AGPAT3: variants seen among roughly 807,000 people sequenced by gnomAD.
AGPAT3 encodes the protein 1-acyl-sn-glycerol-3-phosphate acyltransferase gamma.
In AGPAT3, 5 loss-of-function variants were observed where a neutral mutation model predicts 47.3. That is an observed-to-expected ratio of 0.11 (90% CI 0.06 to 0.22). The LOEUF (loss-of-function observed/expected upper bound fraction) is 0.22. Ranked by LOEUF, AGPAT3 falls within the 10% of genes least tolerant of loss-of-function variation. AGPAT3 has a pLI of 1.00. For synonymous variants in AGPAT3, 212 were observed against 208.3 expected, an observed-to-expected ratio of 1.02 and a Z score of -0.15; for missense variants, 315 against 493.0, an observed-to-expected ratio of 0.64 and a Z score of 3.42.
intron 2 of AGPAT3, among the ~76,000 whole-genome samples, chr21:43,931,922 C>CGTGTGTGTGT (rs55978822): frequency 4.1e-5 from 6 of 145,648 alleles, no homozygotes; most frequent in East Asian, 4.0e-4. Flanking sequence ...AAGAGGATCT[C>CGTGTGTGTGT]GTGTGTGTGT....
At position 43,897,620 on chromosome 21, in the gene AGPAT3, G is replaced by C. The variant is rs569944872; in HGVS notation, c.-111-6337G>C. Among the ~76,000 whole-genome samples the C allele has an allele frequency of 2.0e-5, 3 of 151,578 alleles. No homozygotes were observed. The South Asian group carries it at 6.3e-4, about 32-fold the overall frequency. ...GGGCAGAGGGGCTCCTCACCTCCCA[G>C]AGGGGGCGGCCGGGCAGAGGCGCTC... On this transcript the variant is annotated intron_variant, in intron 1 of 9. Coordinates refer to ENST00000291572, the MANE Select transcript of AGPAT3 (RefSeq NM_020132.5).
chr21:43,914,533 TTTTTG>T lies in AGPAT3; in HGVS notation c.-49+10544_-49+10548del, dbSNP rs550805908. Among the ~76,000 whole-genome samples, 246 of 152,048 alleles carry T rather than the reference TTTTTG, an allele frequency of 1.6e-3. 1 individual carries two copies. Among genetic ancestry groups the T allele is most frequent in the Non-Finnish European group, 3.0e-3 (201 of 67,976 alleles). ...AATATGAGATTCCATGTAGAGGTTTTTTTTGTTTTGTTTTGTTTTGTTTTGTTTTG... is the reference window on the plus strand; with the variant it reads ...AATATGAGATTCCATGTAGAGGTTTTTTTTGTTTTGTTTTGTTTTGTTTTG... On this transcript the variant is annotated intron_variant, in intron 2 of 9. Coordinates refer to ENST00000291572, the MANE Select transcript of AGPAT3 (RefSeq NM_020132.5).
At chr21:43,902,403 A>T (rs2086378179) in intron 1 of AGPAT3, among the ~76,000 whole-genome samples, 1 of 152,212 alleles carries the variant, frequency 6.6e-6, no homozygotes, top group East Asian at 1.9e-4. Flanking sequence ...CGATATATAC[A>T]CTGTCTTTGT....
chr21:43,958,288 A>T (rs2088589597), intron 2 of AGPAT3, among the ~76,000 whole-genome samples: 1 of 150,548 alleles, frequency 6.6e-6, no homozygotes, highest in South Asian at 2.1e-4. Context: ...TGTGTGTGTG[A>T]GACTGTGGTG....
Position 43,914,074 on chromosome 21 carries a change from C to T in AGPAT3, c.-49+10055C>T, listed in dbSNP as rs182686214. ...CTTTGATGTCTGACCTCAGAGGCCA[C>T]GGCTGACGTCTCTCTGCCTCTGCAG... On this transcript the variant is annotated intron_variant, in intron 2 of 9. Transcript: ENST00000291572. Among the ~76,000 whole-genome samples, 831 of 152,304 alleles carry T rather than the reference C, an allele frequency of 5.5e-3. 6 individuals are homozygous for T. The highest frequency in any genetic ancestry group is 0.018 in the African/African-American group (757 of 41,558).
rs138591990 is a variant in AGPAT3, at chr21:43,941,791, G to A, written c.-48-17843G>A. Among the ~76,000 whole-genome samples, 36 of 152,388 alleles carry A rather than the reference G, an allele frequency of 2.4e-4. 1 individual carries two copies. The East Asian group carries it at 5.6e-3, about 24-fold the overall frequency. ...CACGGACCGTTCCTGGCGCCTGGGC[G>A]GAGAAAGGGTATCAAATCATTTCCT... On this transcript the variant is annotated intron_variant, in intron 2 of 9. Transcript: ENST00000291572.
At chr21:43,907,991 G>A (rs530822297) in intron 2 of AGPAT3, among the ~76,000 whole-genome samples, 11 of 152,350 alleles carry the variant, frequency 7.2e-5, no homozygotes, top group African/African-American at 2.6e-4. Context: ...CCTCGTGGAA[G>A]CATGTTCCCG....
chr21:43,982,607 G>A lies in AGPAT3; in HGVS notation c.*215G>A, dbSNP rs946796999. On this transcript the variant is annotated 3_prime_UTR_variant, in exon 10 of 10. Coordinates refer to ENST00000291572, the MANE Select transcript of AGPAT3 (RefSeq NM_020132.5). This position sits in a 1 kb window ranked among gnomAD's most constrained non-coding sequence, Gnocchi z 6.2. ...GCGCAGGGTCCCAGCATCTCCACGC[G>A]CGCCCGTGGGAGGTGGGTCCGGCCG... The A allele has an allele frequency of 2.0e-5, 8 of 409,998 alleles. No individual in the cohort carries two copies. The highest frequency in any genetic ancestry group is 4.9e-5 in the East Asian group (1 of 20,446). The allele number at this position is 409,998 out of a possible 1,614,324, so 25.4% of individuals were successfully genotyped here.
intron 1 of AGPAT3, among the ~76,000 whole-genome samples, chr21:43,899,770 C>T (rs2086310332): frequency 6.6e-6 from 1 of 152,146 alleles, no homozygotes; most frequent in Admixed American, 6.5e-5. Flanking sequence ...GCCTCGGCCC[C>T]GGTTCTGTTG....
In AGPAT3 at chr21:43,930,012, AC is replaced by A. The variant is rs1378808981; in HGVS notation, c.-49+25994del. Reference sequence around the variant, plus strand: ...AGCCCAGGCGTGCCGGAGAGAGAGGACTTGAGTGACTGTCCTCCTGGAACCC... The same window carrying A: ...AGCCCAGGCGTGCCGGAGAGAGAGGATTGAGTGACTGTCCTCCTGGAACCC... On this transcript the variant is annotated intron_variant, in intron 2 of 9. Coordinates refer to ENST00000291572, the MANE Select transcript of AGPAT3 (RefSeq NM_020132.5). The surrounding 1 kb of genome is among the most constrained non-coding windows in gnomAD (Gnocchi z 5.0). Among the ~76,000 whole-genome samples the A allele has an allele frequency of 1.3e-5, 2 of 152,314 alleles. No homozygotes were observed. The highest frequency in any genetic ancestry group is 3.9e-4 in the East Asian group (2 of 5,186).
At chr21:43,925,728 A>C (rs998934997) in intron 2 of AGPAT3, among the ~76,000 whole-genome samples, 1 of 152,186 alleles carries the variant, frequency 6.6e-6, no homozygotes, top group Non-Finnish European at 1.5e-5. Flanking sequence ...CCCTGTGTTG[A>C]CTTGGGCACC....
chr21:43,906,784 C>A (rs2838430), intron 2 of AGPAT3, among the ~76,000 whole-genome samples: 16,265 of 152,278 alleles, frequency 0.11, 1,689 homozygotes, highest in African/African-American at 0.27. Context: ...ACACTGCCGG[C>A]TACTTGCCCA....
At chr21:43,958,964 C>T (rs1425182113) in intron 2 of AGPAT3, among the ~76,000 whole-genome samples, 43 of 40,864 alleles carry the variant, frequency 1.1e-3, no homozygotes, top group East Asian at 2.0e-3. Flanking sequence ...TGTGGTTTTG[C>T]GGTGTGTGTG....
In AGPAT3 at chr21:43,939,932, C is replaced by T. The variant is rs2087599770; in HGVS notation, c.-48-19702C>T. Among the ~76,000 whole-genome samples the T allele has an allele frequency of 1.3e-5, 2 of 152,242 alleles. No individual in the cohort carries two copies. Among genetic ancestry groups the T allele is most frequent in the Non-Finnish European group, 2.9e-5 (2 of 68,042 alleles). On this transcript the variant is annotated intron_variant, in intron 2 of 9. Coordinates refer to ENST00000291572, the MANE Select transcript of AGPAT3 (RefSeq NM_020132.5). This position sits in a 1 kb window ranked among gnomAD's most constrained non-coding sequence, Gnocchi z 4.4. ...ATTGGATTAGCCGGTGCCCCGACGG[C>T]AGAGCCCGCAGCTGTGCGCAGGAGG...
intron 2 of AGPAT3, chr21:43,916,163 G>C (rs1176495344): frequency 6.6e-6 from 1 of 152,196 alleles, no homozygotes; most frequent in African/African-American, 2.4e-5. Flanking sequence ...TATGGGTGCT[G>C]TTTATGAATG....
chr21:43,912,002 T>C (rs1412052277), intron 2 of AGPAT3, among the ~76,000 whole-genome samples: 4 of 152,206 alleles, frequency 2.6e-5, no homozygotes, highest in African/African-American at 7.2e-5. Flanking sequence ...GCTCTGCTGG[T>C]TTGGCATTAG....
chr21:43,901,598 C>T (rs2086359585), intron 1 of AGPAT3, among the ~76,000 whole-genome samples: 1 of 152,040 alleles, frequency 6.6e-6, no homozygotes, highest in African/African-American at 2.4e-5. Flanking sequence ...CCCTGGACAA[C>T]CCCATCTGTA....
chr21:43,953,262 C>A (rs544925731), intron 2 of AGPAT3, among the ~76,000 whole-genome samples: 1 of 152,154 alleles, frequency 6.6e-6, no homozygotes, highest in Non-Finnish European at 1.5e-5. Flanking sequence ...CCTGCATCCC[C>A]GCAGCTAGGA....
intron 1 of AGPAT3, among the ~76,000 whole-genome samples, chr21:43,902,970 C>G (rs1358413433): frequency 6.6e-6 from 1 of 152,096 alleles, no homozygotes; most frequent in Non-Finnish European, 1.5e-5. Flanking sequence ...ACGGCGACTC[C>G]AGCCTGGGTA....
Sources: allele counts gnomAD v4.1 joint callset (sites outside exome capture counted in the v4.1 genomes callset), GRCh38; gene constraint gnomAD v4.1.1; non-coding constraint Gnocchi (gnomAD v3.1); transcripts MANE v1.5; gene names NCBI Gene and HGNC (gene_info 2026-07-23, HGNC 2026-07-21).